GABARAPL1: variants seen among roughly 807,000 people sequenced by gnomAD.
GABARAPL1 encodes GABA type A receptor associated protein like 1.
In GABARAPL1, 4 loss-of-function variants were observed where a neutral mutation model predicts 14.5. That is an observed-to-expected ratio of 0.28 (90% confidence interval 0.14 to 0.63). The LOEUF (loss-of-function observed/expected upper bound fraction) is 0.63. Among genes scored for constraint, GABARAPL1 ranks in the 30% least tolerant of loss-of-function variants. The pLI is 0.84. For missense variants in GABARAPL1, 82 were observed against 139.2 expected, an observed-to-expected ratio of 0.59 and a Z score of 2.07; for synonymous variants, 47 against 50.6, an observed-to-expected ratio of 0.93 and a Z score of 0.30.
Position 10,212,933 on chromosome 12 carries a change from C to G in GABARAPL1, c.-197C>G, listed in dbSNP as rs1324815752. On this transcript the variant is annotated 5_prime_UTR_variant, in exon 1 of 4. Coordinates refer to ENST00000266458, the MANE Select transcript of GABARAPL1 (RefSeq NM_031412.4). The stretch of plus-strand genomic sequence containing the variant: ...GCCGGTATTTCTCCATCTGGCTCTC[C>G]TCTACCTCCAGGCAGGCTCACCCGA... The G allele has an allele frequency of 7.1e-6, 4 of 566,736 alleles. No individual in the cohort carries two copies. In the East Asian group the frequency reaches 1.2e-4, roughly 17 times the overall value. The allele number at this position is 566,736 out of a possible 1,614,324, so 35.1% of individuals were successfully genotyped here.
chr12:10,217,389 G>C (rs1412512898), intron 1 of GABARAPL1, among the ~76,000 whole-genome samples: 1 of 152,092 alleles, frequency 6.6e-6, no homozygotes, highest in East Asian at 1.9e-4. Flanking sequence ...TAACTTACAG[G>C]TGATCAGGAC....
At chr12:10,214,725 G>A (rs1949078397) in intron 1 of GABARAPL1, 1 of 152,322 alleles carries the variant, frequency 6.6e-6, no homozygotes, top group Middle Eastern at 3.4e-3. Flanking sequence ...TCACATTGCT[G>A]ATCTGTGGTT....
At chr12:10,214,119 G>C (rs1390530679) in intron 1 of GABARAPL1, 1 of 242,100 alleles carries the variant, frequency 4.1e-6, no homozygotes, top group Non-Finnish European at 8.7e-6. Context: ...AAGTGGTAGG[G>C]GGACCAGCAG....
At chr12:10,218,166 C>T (rs542420336) in intron 2 of GABARAPL1, 25 bp downstream of exon 2, 12 of 1,399,882 alleles carry the variant, frequency 8.6e-6, no homozygotes, top group Admixed American at 8.4e-5. Context: ...CTTCCCTGAC[C>T]CTTCCTCCGG....
At chr12:10,216,365 C>T (rs987033855) in intron 1 of GABARAPL1, among the ~76,000 whole-genome samples, 1 of 151,032 alleles carries the variant, frequency 6.6e-6, no homozygotes, top group Non-Finnish European at 1.5e-5. Flanking sequence ...ATGTGACACT[C>T]GACCTCAAAA....
intron 2 of GABARAPL1, 81 bp downstream of exon 2, chr12:10,218,222 T>C (rs981799838): frequency 3.7e-5 from 31 of 839,222 alleles, no homozygotes; most frequent in African/African-American, 2.2e-4. Flanking sequence ...GATTGTGAGA[T>C]TGAGAGGCAG....
At chr12:10,217,857 T>A (rs1949099060) in intron 1 of GABARAPL1, among the ~76,000 whole-genome samples, 1 of 152,220 alleles carries the variant, frequency 6.6e-6, no homozygotes, top group South Asian at 2.1e-4. Context: ...CTAGTTTATT[T>A]TTATTTTAGT....
chr12:10,221,098 A>T (rs1268582241), intron 3 of GABARAPL1: 1 of 985,264 alleles, frequency 1.0e-6, no homozygotes, highest in East Asian at 1.1e-4. Context: ...AACCACATTG[A>T]TACTAAACAA....
intron 2 of GABARAPL1, among the ~76,000 whole-genome samples, chr12:10,219,418 G>T (rs73264785): frequency 0.035 from 5,326 of 151,988 alleles, 315 homozygotes; most frequent in African/African-American, 0.12. Context: ...TTCTTGAGAG[G>T]ATTATATTTT....
Position 10,220,553 on chromosome 12 carries a change from T to A in GABARAPL1, c.283T>A (p.Tyr95Asn), listed in dbSNP as rs771670368. 6.2e-7 allele frequency: 1 copy of A among 1,613,972 alleles called. No homozygotes were observed. Among genetic ancestry groups the A allele is most frequent in the South Asian group, 1.1e-5 (1 of 91,074 alleles). Residue 95 changes from tyrosine (Y) to asparagine (N), a missense_variant, in exon 3 of 4, where the codon TAT becomes AAT. By Grantham distance (143) the Tyr-to-Asn change is moderately radical (BLOSUM62 -2). Coordinates refer to ENST00000266458, the MANE Select transcript of GABARAPL1 (RefSeq NM_031412.4). Reference protein sequence around the residue: ...PPTSATMGQLYEDNHEEDYFL... With the variant: ...PPTSATMGQLNEDNHEEDYFL... ...CACCAGTGCTACCATGGGCCAACTG[T>A]ATGAGGTAATGGTTCTGGTTGCACA...
chr12:10,216,455 T>C (rs980796738), intron 1 of GABARAPL1, among the ~76,000 whole-genome samples: 14 of 150,460 alleles, frequency 9.3e-5, no homozygotes, highest in South Asian at 2.1e-4. Context: ...GAAGTACTCA[T>C]ACAGTTTTTT....
chr12:10,213,020 T>G lies in GABARAPL1; in HGVS notation c.-110T>G. Reference sequence around the variant, plus strand: ...AGCGCTGTTGCCCCCGGAGCGGACGTTTCTGCAGCTATTCTGAGCACACCT... The same window carrying G: ...AGCGCTGTTGCCCCCGGAGCGGACGGTTCTGCAGCTATTCTGAGCACACCT... On this transcript the variant is annotated 5_prime_UTR_variant, in exon 1 of 4. Transcript: ENST00000266458. 86 of 530,032 alleles carry G rather than the reference T, an allele frequency of 1.6e-4. No homozygotes were observed. Among genetic ancestry groups the G allele is most frequent in the Non-Finnish European group, 2.4e-4 (65 of 275,412 alleles). The allele number at this position is 530,032 out of a possible 1,614,324, so 32.8% of individuals were successfully genotyped here. A position where few individuals can be genotyped will look rare whatever the true frequency, so the allele number is the denominator to read the frequency against.
chr12:10,213,235 CGGAGGGGATG>C lies in GABARAPL1; in HGVS notation c.90+25_90+34del. 3 of 1,068,964 alleles carry C rather than the reference CGGAGGGGATG, an allele frequency of 2.8e-6. No individual in the cohort carries two copies. Among genetic ancestry groups the C allele is most frequent in the Non-Finnish European group, 4.0e-6 (3 of 741,038 alleles). 66.2% of individuals were successfully genotyped at this position (1,068,964 alleles called of 1,614,324 possible). The stretch of plus-strand genomic sequence containing the variant: ...CAGGGTCCCCGTGAGTGTAGAGGAG[CGGAGGGGATG>C]GGAGGGGAAGGGCCCGCGGGGGCGG... On this transcript the variant is annotated intron_variant, in intron 1 of 3. Coordinates refer to ENST00000266458, the MANE Select transcript of GABARAPL1 (RefSeq NM_031412.4).
At chr12:10,220,598 G>A (rs1949115375) in intron 3 of GABARAPL1, 40 bp downstream of exon 3, 2 of 1,613,424 alleles carry the variant, frequency 1.2e-6, no homozygotes, top group Non-Finnish European at 1.7e-6. Context: ...GCCGTCCAGT[G>A]CAGTCTGGCA....
intron 2 of GABARAPL1, 65 bp from the exon 3 acceptor site, chr12:10,220,375 T>C (rs1949113610): frequency 1.2e-6 from 2 of 1,604,962 alleles, no homozygotes; most frequent in South Asian, 1.1e-5. Flanking sequence ...TTCCAGGACT[T>C]ACCCTTCTAC....
In GABARAPL1 at chr12:10,212,959, G is replaced by T; in HGVS notation, c.-171G>T. 1 of 595,808 alleles carries T rather than the reference G, an allele frequency of 1.7e-6. No individual in the cohort carries two copies. The highest frequency in any genetic ancestry group is 4.5e-4 in the Middle Eastern group (1 of 2,246). The allele number at this position is 595,808 out of a possible 1,614,324, so 36.9% of individuals were successfully genotyped here. A position where few individuals can be genotyped will look rare whatever the true frequency, so the allele number is the denominator to read the frequency against. ...TCTACCTCCAGGCAGGCTCACCCGA[G>T]ATCCCCGCCCCGAACCCCCCCTGCA... On this transcript the variant is annotated 5_prime_UTR_variant, in exon 1 of 4. Coordinates refer to ENST00000266458, the MANE Select transcript of GABARAPL1 (RefSeq NM_031412.4).
chr12:10,220,826 T>C, intron 3 of GABARAPL1: 1 of 1,424,346 alleles, frequency 7.0e-7, no homozygotes, highest in Non-Finnish European at 9.2e-7. Flanking sequence ...CTGGACTGTT[T>C]ATTGAAACAG....
At chr12:10,219,110 G>A (rs947848983) in intron 2 of GABARAPL1, among the ~76,000 whole-genome samples, 6 of 151,822 alleles carry the variant, frequency 4.0e-5, no homozygotes, top group Non-Finnish European at 8.8e-5. Context: ...CCTGAGGTCA[G>A]GAGTTTGAGA....
intron 3 of GABARAPL1, chr12:10,220,917 T>A: frequency 7.4e-7 from 1 of 1,352,760 alleles, no homozygotes; most frequent in Non-Finnish European, 9.5e-7. Context: ...AGCATGTAAT[T>A]TGTAATGCAT....
Sources: allele counts gnomAD v4.1 joint callset (sites outside exome capture counted in the v4.1 genomes callset), GRCh38; gene constraint gnomAD v4.1.1; transcripts MANE v1.5; gene names NCBI Gene and HGNC (gene_info 2026-07-23, HGNC 2026-07-21).